The following ASAP1 variants were observed in gnomAD, a reference collection of about 807,000 sequenced individuals.
ASAP1 encodes the protein ArfGAP with SH3 domain, ankyrin repeat and PH domain 1.
ASAP1 carries 43 observed loss-of-function variants against 145.2 expected under a neutral mutation model. The observed-to-expected ratio is 0.30, with a 90% confidence interval of 0.23 to 0.38. The LOEUF is 0.38. Among genes scored for constraint, ASAP1 ranks in the 10% least tolerant of loss-of-function variants. ASAP1 has a pLI of 1.00. For synonymous variants in ASAP1, 546 were observed against 515.5 expected (o/e 1.06, Z -0.80); for missense variants, 1,018 against 1,355.3 (o/e 0.75, Z 3.91).
intron 2 of ASAP1, among the ~76,000 whole-genome samples, chr8:130,379,250 C>T (rs1200461506): frequency 2.0e-5 from 3 of 152,202 alleles, no homozygotes; most frequent in African/African-American, 7.2e-5. Context: ...CCCCCTCCCC[C>T]ATACCTGGCC....
chr8:130,302,364 C>T lies in ASAP1; in HGVS notation c.186+55653G>A, dbSNP rs34429651. On this transcript the variant is annotated intron_variant, in intron 3 of 29. Coordinates refer to ENST00000518721, the MANE Select transcript of ASAP1 (RefSeq NM_018482.4). The stretch of plus-strand genomic sequence containing the variant: ...GTTAAGGGGCTCGTTTTTTCACAGA[C>T]ACAGAAAATGTGGCACTGTGAACAG... Among the ~76,000 whole-genome samples, 450 of 152,250 alleles carry T rather than the reference C, an allele frequency of 3.0e-3. 2 individuals are homozygous for T. The highest frequency in any genetic ancestry group is 7.7e-3 in the Admixed American group (118 of 15,292).
intron 23 of ASAP1, chr8:130,112,560 C>T: frequency 2.2e-6 from 1 of 453,446 alleles, no homozygotes. Context: ...TGGTTAGGAT[C>T]AGCAGCAGTG....
At chr8:130,076,513 A>T (rs2097462692) in intron 26 of ASAP1, 107 bp from the exon 27 acceptor site, 1 of 861,734 alleles carries the variant, frequency 1.2e-6, no homozygotes, top group Non-Finnish European at 1.8e-6. Context: ...TCATCTAAAG[A>T]ATGCTTTCAA....
chr8:130,116,247 C>A (rs979447235), intron 22 of ASAP1, among the ~76,000 whole-genome samples: 2 of 152,114 alleles, frequency 1.3e-5, no homozygotes, highest in Non-Finnish European at 2.9e-5. Flanking sequence ...CTAGTAGGGT[C>A]AAAAAAGGTG....
At chr8:130,282,575 T>C (rs917576256) in intron 3 of ASAP1, among the ~76,000 whole-genome samples, 2 of 152,202 alleles carry the variant, frequency 1.3e-5, no homozygotes, top group African/African-American at 4.8e-5. Flanking sequence ...AGATCCCCTT[T>C]TGGCAAACTG....
Position 130,365,721 on chromosome 8 carries a change from A to C in ASAP1, c.60-7578T>G, listed in dbSNP as rs1052460136. On this transcript the variant is annotated intron_variant, in intron 2 of 29. Coordinates refer to ENST00000518721, the MANE Select transcript of ASAP1 (RefSeq NM_018482.4). ...TTTATATTTATCCAACTAGACTGTG[A>C]CCTACCTAAGACCAGGGAGGGTTTC... Among the ~76,000 whole-genome samples, 2 of 152,140 alleles carry C rather than the reference A, an allele frequency of 1.3e-5. 1 individual carries two copies. The highest frequency in any genetic ancestry group is 3.8e-4 in the East Asian group (2 of 5,198).
chr8:130,240,989 C>G (rs1196009339), intron 3 of ASAP1, among the ~76,000 whole-genome samples: 1 of 152,068 alleles, frequency 6.6e-6, no homozygotes, highest in African/African-American at 2.4e-5. Flanking sequence ...ACCATAAGGA[C>G]AGAAAAGTCC....
chr8:130,178,413 A>G (rs759043119), intron 9 of ASAP1, among the ~76,000 whole-genome samples: 18 of 152,258 alleles, frequency 1.2e-4, no homozygotes, highest in Non-Finnish European at 8.8e-5. Context: ...CAAATGTGGC[A>G]CCACAGAATC....
chr8:130,400,113 C>G (rs1445677073), intron 2 of ASAP1, among the ~76,000 whole-genome samples: 1 of 152,182 alleles, frequency 6.6e-6, no homozygotes. Context: ...AGCCATCGCG[C>G]CTGGCCGAAA....
intron 1 of ASAP1, among the ~76,000 whole-genome samples, chr8:130,434,351 A>C (rs1013202720): frequency 2.6e-5 from 4 of 152,112 alleles, no homozygotes; most frequent in Non-Finnish European, 5.9e-5. Context: ...GAAAAAAAAA[A>C]TCTTGCCACT....
At chr8:130,407,027 G>C (rs1311557021) in intron 1 of ASAP1, among the ~76,000 whole-genome samples, 1 of 152,128 alleles carries the variant, frequency 6.6e-6, no homozygotes, top group Non-Finnish European at 1.5e-5. Flanking sequence ...CATAAGGAAA[G>C]TACCTACCTC....
intron 3 of ASAP1, among the ~76,000 whole-genome samples, chr8:130,282,710 GA>G (rs1246553602): frequency 6.6e-6 from 1 of 152,184 alleles, no homozygotes. Context: ...TATATTTTTA[GA>G]AAGCTGTTAT....
chr8:130,316,065 A>G (rs1471889092), intron 3 of ASAP1, among the ~76,000 whole-genome samples: 4 of 152,162 alleles, frequency 2.6e-5, no homozygotes, highest in African/African-American at 9.7e-5. Flanking sequence ...CCGTCTTTTC[A>G]GCTTAAAAGG....
chr8:130,072,824 T>TGTGTGTGTGCGCGCGCGCGCGCGCGC, intron 27 of ASAP1, among the ~76,000 whole-genome samples: 16 of 32,312 alleles, frequency 5.0e-4, no homozygotes, highest in African/African-American at 1.1e-3. Context: ...TGTGTGTGTG[T>TGTGTGTGTGCGCGCGCGCGCGCGCGC]GCGCGCGGGG....
At chr8:130,388,758 C>G (rs1407075093) in intron 2 of ASAP1, among the ~76,000 whole-genome samples, 1 of 152,080 alleles carries the variant, frequency 6.6e-6, no homozygotes, top group Admixed American at 6.6e-5. Flanking sequence ...AGTTGACTTA[C>G]AGATTAATTC....
chr8:130,196,701 T>A (rs1029386023), intron 5 of ASAP1, among the ~76,000 whole-genome samples: 2 of 152,224 alleles, frequency 1.3e-5, no homozygotes, highest in Admixed American at 1.3e-4. Flanking sequence ...TGGTTCTCTC[T>A]CTCTCCATAA....
At chr8:130,182,449 T>C (rs1814420179) in intron 7 of ASAP1, among the ~76,000 whole-genome samples, 1 of 152,194 alleles carries the variant, frequency 6.6e-6, no homozygotes, top group Non-Finnish European at 1.5e-5. Context: ...ATGTGATTAC[T>C]AAGCAGGAGC....
chr8:130,093,464 C>G (rs2097510037), intron 24 of ASAP1, among the ~76,000 whole-genome samples: 1 of 152,012 alleles, frequency 6.6e-6, no homozygotes, highest in Non-Finnish European at 1.5e-5. Flanking sequence ...GTCAGGAGTT[C>G]AAGACCAGCC....
chr8:130,179,125 T>A, intron 9 of ASAP1, 139 bp downstream of exon 9: 1 of 530,022 alleles, frequency 1.9e-6, no homozygotes, highest in African/African-American at 2.0e-5. Flanking sequence ...CTATTTCTTA[T>A]CCATTTAGCT....
Sources: gnomAD v4.1 joint callset for allele counts (sites outside exome capture counted in the v4.1 genomes callset) on GRCh38, gnomAD v4.1.1 for gene constraint, MANE v1.5 for transcripts, NCBI Gene and HGNC (gene_info 2026-07-23, HGNC 2026-07-21) for gene names.